Variants in TOGARAM1 observed in about 807,000 individuals in gnomAD.
TOGARAM1 encodes TOG array regulator of axonemal microtubules 1.
Under a neutral mutation model 166.6 loss-of-function variants are expected in TOGARAM1, and 100 were observed. The ratio of observed to expected loss-of-function variants is 0.60; its 90% CI spans 0.51 to 0.71. The LOEUF (loss-of-function observed/expected upper bound fraction) is 0.71, where lower values mean the gene tolerates loss of function less well. TOGARAM1 is among the 30% of genes least tolerant of loss of function. TOGARAM1 has a pLI of 0.00. For synonymous variants in TOGARAM1, 758 were observed against 763.8 expected (o/e 0.99, Z 0.13); for missense variants, 2,029 against 2,102.7 (o/e 0.96, Z 0.69).
chr14:44,964,951 T>TAAAAAAAAAAAAAA (rs35780816), intron 1 of TOGARAM1, among the ~76,000 whole-genome samples: 23 of 85,764 alleles, frequency 2.7e-4, no homozygotes, highest in South Asian at 4.9e-4. Flanking sequence ...ACTAGAAAAG[T>TAAAAAAAAAAAAAA]AAAAAAAAAA....
chr14:45,052,357 T>G, intron 14 of TOGARAM1, 79 bp from the exon 15 acceptor site: 2 of 1,228,196 alleles, frequency 1.6e-6, no homozygotes, highest in Non-Finnish European at 2.3e-6. Flanking sequence ...TTTTTTCTAT[T>G]GAAACAATGC....
rs1314572737 is a variant in TOGARAM1 at position 45,013,471 on chromosome 14, A to T, written c.3238+1396A>T. On this transcript the variant is annotated intron_variant, in intron 7 of 19. Coordinates refer to ENST00000361462, the MANE Select transcript of TOGARAM1 (RefSeq NM_001308120.2). ...GCATAAAACTAGTGTTAACAAAGAG[A>T]TAGCTGCACTTCTAGGCATACAAAG... Among the ~76,000 whole-genome samples, 4 of 152,302 alleles carry T rather than the reference A, an allele frequency of 2.6e-5. No individual in the cohort carries two copies. In the South Asian group the frequency reaches 8.3e-4, roughly 32 times the overall value.
At chr14:44,980,736 G>C (rs1886485436) in intron 1 of TOGARAM1, among the ~76,000 whole-genome samples, 2 of 152,196 alleles carry the variant, frequency 1.3e-5, no homozygotes, top group African/African-American at 4.8e-5. Flanking sequence ...GCAGGGGCTA[G>C]ATTGGAGACT....
At position 44,963,711 on chromosome 14, in the gene TOGARAM1, G is replaced by A; in HGVS notation, c.1290G>A (p.Gln430=). Residue 430 remains glutamine, a synonymous_variant, in exon 1 of 20, where the codon CAG becomes CAA. Transcript: ENST00000361462. ...LLVIRLGEQV[Q]QFLGPVIAAS... is the part of the protein sequence containing the mutation. ...TTATTCGCCTTGGAGAGCAGGTACA[G>A]CAGTTCTTGGGACCAGTTATAGCAG... 1 of 1,613,950 alleles carries A rather than the reference G, an allele frequency of 6.2e-7. No individual in the cohort carries two copies. The highest frequency in any genetic ancestry group is 8.5e-7 in the Non-Finnish European group (1 of 1,180,020).
At chr14:45,054,640 T>C (rs1176193345) in intron 16 of TOGARAM1, 91 bp downstream of exon 16, 11 of 858,156 alleles carry the variant, frequency 1.3e-5, no homozygotes, top group Admixed American at 2.6e-5. Context: ...CCAGGGGTAT[T>C]TGCCAAAATT....
chr14:45,020,746 G>A (rs1372880033), intron 7 of TOGARAM1, among the ~76,000 whole-genome samples: 1 of 152,194 alleles, frequency 6.6e-6, no homozygotes. Flanking sequence ...CCCATCTGAT[G>A]CACTGGGAGT....
chr14:45,013,829 A>G (rs150065414), intron 7 of TOGARAM1, among the ~76,000 whole-genome samples: 1,637 of 152,280 alleles, frequency 0.011, 15 homozygotes, highest in Non-Finnish European at 0.018. Flanking sequence ...ACATCTGATT[A>G]CTAGATTGTA....
chr14:45,018,818 T>C (rs1277694537), intron 7 of TOGARAM1, among the ~76,000 whole-genome samples: 1 of 152,242 alleles, frequency 6.6e-6, no homozygotes, highest in Non-Finnish European at 1.5e-5. Context: ...CAAAAAATGC[T>C]TTTCTTCTTA....
chr14:45,005,913 T>TA, intron 4 of TOGARAM1, 95 bp from the exon 5 acceptor site: 4 of 1,153,330 alleles, frequency 3.5e-6, no homozygotes, highest in Non-Finnish European at 4.7e-6. Context: ...GTGCTTTTTT[T>TA]ATTTTAAAAC....
chr14:44,963,819 A>G lies in TOGARAM1; in HGVS notation c.1398A>G (p.Val466=). Residue 466 remains valine, a synonymous_variant, in exon 1 of 20, where the codon GTA becomes GTG. Coordinates refer to ENST00000361462, the MANE Select transcript of TOGARAM1 (RefSeq NM_001308120.2). ...TCTTCCTCAAGCTAATGAAGGAAGT[A>G]GGACCTCAGCAGGTGCTTTGTTTAC... The part of the protein sequence containing the change: ...MKIFLKLMKE[V]GPQQVLCLLL... The G allele has an allele frequency of 6.2e-7, 1 of 1,614,226 alleles. No homozygotes were observed. Among genetic ancestry groups the G allele is most frequent in the East Asian group, 2.2e-5 (1 of 44,892 alleles).
intron 16 of TOGARAM1, among the ~76,000 whole-genome samples, chr14:45,056,826 G>C (rs990522566): frequency 6.6e-6 from 1 of 152,002 alleles, no homozygotes; most frequent in Admixed American, 6.6e-5. Context: ...TTCGTCTTTT[G>C]TTGTGTCTTT....
At position 45,046,799 on chromosome 14, in the gene TOGARAM1, T is replaced by G. The variant is rs1383308957; in HGVS notation, c.4313+96T>G. 3 of 1,052,730 alleles carry G rather than the reference T, an allele frequency of 2.8e-6. No homozygotes were observed. In the East Asian group the frequency reaches 9.7e-5, roughly 34 times the overall value. 65.2% of individuals were successfully genotyped at this position (1,052,730 alleles called of 1,614,324 possible). ...TAAAGAAGAATGAACATTTTCTAAATGGAGAAGTGGGGTCCCAGGGATTGG... is the reference window on the plus strand; with the variant it reads ...TAAAGAAGAATGAACATTTTCTAAAGGGAGAAGTGGGGTCCCAGGGATTGG... On this transcript the variant is annotated intron_variant, in intron 14 of 19. Transcript: ENST00000361462.
In TOGARAM1 at chr14:45,012,116, A is replaced by T. The variant is rs1879842796; in HGVS notation, c.3238+41A>T. ...TTATAAAAATAATTTATAAAATATG[A>T]TTTTCAAATGATGTAAAAAATGATA... is the stretch of plus-strand genomic sequence containing the variant. On this transcript the variant is annotated intron_variant, in intron 7 of 19. Transcript: ENST00000361462. The T allele has an allele frequency of 3.1e-6, 4 of 1,286,160 alleles. No individual in the cohort carries two copies. In the South Asian group the frequency reaches 5.8e-5, roughly 19 times the overall value. 79.7% of individuals were successfully genotyped at this position (1,286,160 alleles called of 1,614,324 possible).
At chr14:45,033,512 A>T (rs1451828116) in intron 11 of TOGARAM1, among the ~76,000 whole-genome samples, 1 of 152,204 alleles carries the variant, frequency 6.6e-6, no homozygotes, top group East Asian at 1.9e-4. Flanking sequence ...ATAAAACATT[A>T]TATGAAAACT....
At chr14:45,012,282 T>C (rs1443283889) in intron 7 of TOGARAM1, among the ~76,000 whole-genome samples, 1 of 152,198 alleles carries the variant, frequency 6.6e-6, no homozygotes, top group Non-Finnish European at 1.5e-5. Flanking sequence ...CATCAATCTC[T>C]TTTAAAGCTC....
In TOGARAM1 at chr14:45,071,771, A is replaced by C; in HGVS notation, c.5029A>C (p.Lys1677Gln). The C allele has an allele frequency of 6.2e-7, 1 of 1,612,118 alleles. No homozygotes were observed. Among genetic ancestry groups the C allele is most frequent in the Non-Finnish European group, 8.5e-7 (1 of 1,179,480 alleles). Residue 1677 changes from lysine (K) to glutamine (Q), a missense_variant, in exon 19 of 20, where the codon AAA becomes CAA. Lys to Gln is a moderately conservative substitution (Grantham distance 53, BLOSUM62 1). Transcript: ENST00000361462. Reference protein sequence around the residue: ...TKAQFLNGKAKQDMTEKLADI... With the variant: ...TKAQFLNGKAQQDMTEKLADI... ...AGCTCAGTTTTTAAATGGAAAAGCAAAACAGGACATGACGGAAAAGCTTGC... is the reference window on the plus strand; with the variant it reads ...AGCTCAGTTTTTAAATGGAAAAGCACAACAGGACATGACGGAAAAGCTTGC...
At chr14:44,988,731 G>A (rs536804237) in intron 1 of TOGARAM1, among the ~76,000 whole-genome samples, 1 of 152,332 alleles carries the variant, frequency 6.6e-6, no homozygotes, top group South Asian at 2.1e-4. Flanking sequence ...AATAGTGTGT[G>A]ATTTCAGAAA....
At chr14:45,015,532 T>A (rs1032445383) in intron 7 of TOGARAM1, among the ~76,000 whole-genome samples, 1 of 151,370 alleles carries the variant, frequency 6.6e-6, no homozygotes, top group Non-Finnish European at 1.5e-5. Context: ...AAATGTAAAT[T>A]AAAATTTTTG....
chr14:44,997,823 A>C (rs1408787214), intron 2 of TOGARAM1, among the ~76,000 whole-genome samples: 27 of 152,080 alleles, frequency 1.8e-4, no homozygotes, highest in Admixed American at 1.8e-3. Flanking sequence ...AAGAAGAAGA[A>C]GAAAGAGGTT....
Sources: gnomAD v4.1 joint callset for allele counts (sites outside exome capture counted in the v4.1 genomes callset) on GRCh38, gnomAD v4.1.1 for gene constraint, MANE v1.5 for transcripts, NCBI Gene and HGNC (gene_info 2026-07-23, HGNC 2026-07-21) for gene names.